FAM227B: variants seen among roughly 807,000 people sequenced by gnomAD.
FAM227B encodes protein FAM227B.
Under a neutral mutation model 73.8 loss-of-function variants are expected in FAM227B, and 88 were observed. The ratio of observed to expected loss-of-function variants is 1.19; its 90% CI spans 1.00 to 1.42. FAM227B has a LOEUF of 1.42. Among genes scored for constraint, FAM227B ranks in the 40% most tolerant of loss-of-function variants. The probability of loss-of-function intolerance (pLI) is 0.00; values close to 1 mark genes in which losing one functional copy is unlikely to be tolerated. For synonymous variants in FAM227B, 210 were observed against 190.5 expected (o/e 1.10, Z -0.84); for missense variants, 632 against 590.9 (o/e 1.07, Z -0.72).
At chr15:49,518,995 G>A (rs534176825) in intron 10 of FAM227B, among the ~76,000 whole-genome samples, 25 of 152,338 alleles carry the variant, frequency 1.6e-4, no homozygotes, top group African/African-American at 2.9e-4. Context: ...GATAAAATGC[G>A]GGTACAGGCA....
At position 49,328,402 on chromosome 15, in the gene FAM227B, T is replaced by C. The variant is rs1008850062; in HGVS notation, c.*166A>G. ...CATGCTTGGACAGATCTTTTAAGAA[T>C]AACTTACTGAGATTTATTGATTTGA... On this transcript the variant is annotated 3_prime_UTR_variant, in exon 16 of 16. Transcript: ENST00000299338. The C allele has an allele frequency of 7.0e-7, 1 of 1,430,456 alleles. No individual in the cohort carries two copies. Among genetic ancestry groups the C allele is most frequent in the Admixed American group, 2.9e-5 (1 of 34,732 alleles). The allele number at this position is 1,430,456 out of a possible 1,614,324, so 88.6% of individuals were successfully genotyped here.
In FAM227B at chr15:49,479,599, G is replaced by GTTTTTTTTT. The variant is rs56097665; in HGVS notation, c.1012+28603_1012+28611dup. On this transcript the variant is annotated intron_variant, in intron 11 of 15. Transcript: ENST00000299338. Reference sequence around the variant, plus strand: ...GTAGGATTTCATAGTTAATACCTCTGTTTTTTTTTTTTTTTTTTTTTTTTT... The same window carrying GTTTTTTTTT: ...GTAGGATTTCATAGTTAATACCTCTGTTTTTTTTTTTTTTTTTTTTTTTTTTTTTTTTTT... Among the ~76,000 whole-genome samples, 95 of 63,322 alleles carry GTTTTTTTTT rather than the reference G, an allele frequency of 1.5e-3. 16 individuals carry two copies. The highest frequency in any genetic ancestry group is 5.6e-3 in the African/African-American group (90 of 15,940). The allele number at this position is 63,322 out of a possible 152,430, so 41.5% of individuals were successfully genotyped here.
At chr15:49,365,726 A>C in intron 13 of FAM227B, 1 of 892,188 alleles carries the variant, frequency 1.1e-6, no homozygotes, top group South Asian at 1.3e-5. Context: ...GCAATCTCCA[A>C]GATATCTTGT....
At chr15:49,392,519 T>C (rs910242338) in intron 11 of FAM227B, among the ~76,000 whole-genome samples, 2 of 152,008 alleles carry the variant, frequency 1.3e-5, no homozygotes, top group Middle Eastern at 3.2e-3. Flanking sequence ...GTGGAGTGTA[T>C]ATAAAAGTGA....
At chr15:49,517,586 A>C (rs1029876673) in intron 10 of FAM227B, among the ~76,000 whole-genome samples, 2 of 152,186 alleles carry the variant, frequency 1.3e-5, no homozygotes, top group African/African-American at 4.8e-5. Context: ...CAGTGTAAGA[A>C]AAATCTATAC....
At chr15:49,550,827 G>A (rs892944895) in intron 9 of FAM227B, among the ~76,000 whole-genome samples, 6 of 147,454 alleles carry the variant, frequency 4.1e-5, no homozygotes, top group South Asian at 2.2e-4. Flanking sequence ...GGCTCCTCAC[G>A]TCCCAGACGA....
intron 13 of FAM227B, among the ~76,000 whole-genome samples, chr15:49,340,364 T>C (rs1000265382): frequency 2.0e-5 from 3 of 149,574 alleles, no homozygotes; most frequent in African/African-American, 4.9e-5. Context: ...GAGAGGGAGT[T>C]CCCCGGCCCC....
rs145332059 is a variant in FAM227B, at chr15:49,536,716, C to T, written c.874+4964G>A. 4.1e-4 allele frequency among the ~76,000 whole-genome samples: 62 copies of T among 151,478 alleles called. No individual in the cohort carries two copies. In the East Asian group the frequency reaches 9.5e-3, roughly 23 times the overall value. On this transcript the variant is annotated intron_variant, in intron 10 of 15. Transcript: ENST00000299338. ...AAAACTATGGTATTGGCATGAACAC[C>T]GACATAAAGATGAGGTATAGAATAC...
rs147759691 is a variant in FAM227B at position 49,470,141 on chromosome 15, A to C, written c.1012+38070T>G. Among the ~76,000 whole-genome samples, 146 of 152,292 alleles carry C rather than the reference A, an allele frequency of 9.6e-4. 1 individual carries two copies. Among genetic ancestry groups the C allele is most frequent in the African/African-American group, 3.5e-3 (145 of 41,576 alleles). ...ACGGTATTATGATCAAAGCGTGGAA[A>C]ATGATGGAATTCTAAAATGTTACTG... On this transcript the variant is annotated intron_variant, in intron 11 of 15. Transcript: ENST00000299338.
intron 13 of FAM227B, among the ~76,000 whole-genome samples, 173 bp downstream of exon 13, chr15:49,367,275 A>G (rs946323567): frequency 2.6e-5 from 4 of 152,236 alleles, no homozygotes; most frequent in Non-Finnish European, 5.9e-5. Flanking sequence ...TAGATCTAAT[A>G]AAGAAAAGCC....
chr15:49,404,332 A>G lies in FAM227B; in HGVS notation c.1013-32933T>C, dbSNP rs554383548. 5.9e-5 allele frequency among the ~76,000 whole-genome samples: 9 copies of G among 152,192 alleles called. 1 individual carries two copies. The South Asian group carries it at 1.9e-3, about 32-fold the overall frequency. ...GTATCTTTGTTAATTTTCTGCCTCA[A>G]TGATCTGTATTAATACTGTCAGTGG... On this transcript the variant is annotated intron_variant, in intron 11 of 15. Transcript: ENST00000299338.
At chr15:49,574,562 CCA>C (rs1327634976) in intron 8 of FAM227B, among the ~76,000 whole-genome samples, 1 of 152,158 alleles carries the variant, frequency 6.6e-6, no homozygotes, top group Non-Finnish European at 1.5e-5. Context: ...CCTGAGGCCT[CCA>C]CACCATGCGG....
At chr15:49,525,703 T>TAC (rs1555522008) in intron 10 of FAM227B, among the ~76,000 whole-genome samples, 18 of 122,020 alleles carry the variant, frequency 1.5e-4, no homozygotes, top group African/African-American at 6.1e-4. Flanking sequence ...TATATATATA[T>TAC]ATATATATAT....
At chr15:49,594,301 T>C (rs2076768756) in intron 3 of FAM227B, among the ~76,000 whole-genome samples, 1 of 152,164 alleles carries the variant, frequency 6.6e-6, no homozygotes, top group Non-Finnish European at 1.5e-5. Context: ...CTGATTTGAG[T>C]TCCTTGTAGA....
At chr15:49,532,343 T>G (rs960442527) in intron 10 of FAM227B, among the ~76,000 whole-genome samples, 2 of 151,852 alleles carry the variant, frequency 1.3e-5, no homozygotes, top group African/African-American at 2.4e-5. Flanking sequence ...GGGAAACTCA[T>G]AGCCTTGATT....
chr15:49,409,346 G>T (rs2048725004), intron 11 of FAM227B, among the ~76,000 whole-genome samples: 1 of 151,954 alleles, frequency 6.6e-6, no homozygotes. Context: ...AAAGGCTCAG[G>T]CTTCAGATTA....
intron 10 of FAM227B, among the ~76,000 whole-genome samples, chr15:49,516,521 G>C (rs2059388765): frequency 6.6e-6 from 1 of 151,994 alleles, no homozygotes; most frequent in Non-Finnish European, 1.5e-5. Context: ...AGATAGTTCA[G>C]TGATTTTTGG....
intron 11 of FAM227B, among the ~76,000 whole-genome samples, chr15:49,389,128 A>C: frequency 6.6e-6 from 1 of 152,050 alleles, no homozygotes; most frequent in East Asian, 1.9e-4. Context: ...TTGATCCAGC[A>C]ATCCCACTGT....
chr15:49,556,138 T>C (rs1339745171), intron 9 of FAM227B, among the ~76,000 whole-genome samples: 1 of 152,222 alleles, frequency 6.6e-6, no homozygotes, highest in Non-Finnish European at 1.5e-5. Context: ...TATTTGGAGG[T>C]AAGCAGTCTA....
Sources: allele counts gnomAD v4.1 joint callset (sites outside exome capture counted in the v4.1 genomes callset), GRCh38; gene constraint gnomAD v4.1.1; transcripts MANE v1.5; gene names NCBI Gene and HGNC (gene_info 2026-07-23, HGNC 2026-07-21).